Variants in FHIT observed in about 807,000 individuals in gnomAD.
FHIT encodes the protein fragile histidine triad diadenosine triphosphatase.
In FHIT, 19 loss-of-function variants were observed where a neutral mutation model predicts 17.9. The observed-to-expected ratio is 1.06, with a 90% CI of 0.74 to 1.56. The LOEUF is 1.56. Among genes scored for constraint, FHIT ranks in the 40% most tolerant of loss-of-function variants. The pLI, the probability that FHIT is intolerant of heterozygous loss-of-function variation, is 0.00. For synonymous variants in FHIT, 81 were observed against 69.7 expected (o/e 1.16, Z -0.81); for missense variants, 248 against 189.2 (o/e 1.31, Z -1.82).
chr3:59,752,074 G>A (rs962330275), intron 9 of FHIT, 147 bp downstream of exon 9: 13 of 557,890 alleles, frequency 2.3e-5, no homozygotes, highest in African/African-American at 3.9e-5. Flanking sequence ...CAAGGGCCAG[G>A]GTTTTCTCCC....
At chr3:59,922,493 GC>G in intron 7 of FHIT, 79 bp from the exon 8 acceptor site, 1 of 1,179,768 alleles carries the variant, frequency 8.5e-7, no homozygotes, top group Non-Finnish European at 1.2e-6. Flanking sequence ...CTCTCATGAA[GC>G]CCAATTACTC....
chr3:60,122,205 T>C (rs1026566027), intron 5 of FHIT, among the ~76,000 whole-genome samples: 1 of 152,086 alleles, frequency 6.6e-6, no homozygotes, highest in Non-Finnish European at 1.5e-5. Context: ...GAAAGAAGTG[T>C]TCAGCATTCT....
At chr3:60,375,597 G>C (rs1173701433) in intron 5 of FHIT, among the ~76,000 whole-genome samples, 3 of 151,956 alleles carry the variant, frequency 2.0e-5, no homozygotes, top group Admixed American at 6.6e-5. Context: ...TATATTGAAA[G>C]TATAAATACT....
At chr3:60,319,055 AC>A (rs1387674181) in intron 5 of FHIT, among the ~76,000 whole-genome samples, 3 of 152,020 alleles carry the variant, frequency 2.0e-5, no homozygotes, top group African/African-American at 7.2e-5. Flanking sequence ...CACTATGACT[AC>A]CCTGCACCCA....
chr3:59,807,367 G>A (rs927034505), intron 8 of FHIT, among the ~76,000 whole-genome samples: 1 of 152,116 alleles, frequency 6.6e-6, no homozygotes, highest in South Asian at 2.1e-4. Flanking sequence ...GCATAGCAGG[G>A]ATGCCAAACA....
chr3:60,260,448 G>A (rs1030239162), intron 5 of FHIT, among the ~76,000 whole-genome samples: 1 of 151,810 alleles, frequency 6.6e-6, no homozygotes, highest in African/African-American at 2.4e-5. Flanking sequence ...TTAAAACTTG[G>A]CGTATTCACT....
Position 60,550,289 on chromosome 3 carries a change from C to T in FHIT, c.-17-13310G>A, listed in dbSNP as rs146079694. Reference sequence around the variant, plus strand: ...TTTGTAAAACATTCTAATCTACAGGCGTATGTCAAAATTCCACAGGAGACA... The same window carrying T: ...TTTGTAAAACATTCTAATCTACAGGTGTATGTCAAAATTCCACAGGAGACA... On this transcript the variant is annotated intron_variant, in intron 4 of 9. Transcript: ENST00000492590. Among the ~76,000 whole-genome samples, 233 of 151,868 alleles carry T rather than the reference C, an allele frequency of 1.5e-3. 1 individual carries two copies. The highest frequency in any genetic ancestry group is 5.5e-3 in the African/African-American group (226 of 41,370).
At chr3:60,067,975 C>T (rs1702592553) in intron 5 of FHIT, among the ~76,000 whole-genome samples, 1 of 152,160 alleles carries the variant, frequency 6.6e-6, no homozygotes, top group African/African-American at 2.4e-5. Flanking sequence ...GTGGCTCACA[C>T]CTGTAATCCC....
At chr3:61,154,034 T>G (rs1311090201) in intron 2 of FHIT, among the ~76,000 whole-genome samples, 1 of 152,216 alleles carries the variant, frequency 6.6e-6, no homozygotes, top group African/African-American at 2.4e-5. Context: ...TGCTCCCAAC[T>G]TGAAGAAATT....
At chr3:60,470,729 G>A (rs1164892643) in intron 5 of FHIT, among the ~76,000 whole-genome samples, 1 of 151,906 alleles carries the variant, frequency 6.6e-6, no homozygotes, top group East Asian at 1.9e-4. Flanking sequence ...GTACCCAAGC[G>A]GCAAGATAAA....
chr3:60,947,309 C>T (rs1251891562), intron 3 of FHIT, among the ~76,000 whole-genome samples: 2 of 152,134 alleles, frequency 1.3e-5, no homozygotes, highest in Non-Finnish European at 2.9e-5. Context: ...ATATCACCAT[C>T]ATGTAAGAAT....
chr3:60,580,445 C>G (rs1292597849), intron 4 of FHIT, among the ~76,000 whole-genome samples: 5 of 152,088 alleles, frequency 3.3e-5, no homozygotes, highest in African/African-American at 1.2e-4. Context: ...TACTACTAGA[C>G]TTTGAGTTTT....
At chr3:60,278,012 G>C (rs965760018) in intron 5 of FHIT, among the ~76,000 whole-genome samples, 2 of 152,150 alleles carry the variant, frequency 1.3e-5, no homozygotes, top group African/African-American at 4.8e-5. Flanking sequence ...CAAATTTGGA[G>C]AAACATGTAA....
chr3:60,816,596 G>A (rs2205348), intron 4 of FHIT, among the ~76,000 whole-genome samples: 52,276 of 151,902 alleles, frequency 0.34, 10,843 homozygotes, highest in East Asian at 0.72. Context: ...ACTTGATCAT[G>A]GTAAATTAAC....
intron 1 of FHIT, among the ~76,000 whole-genome samples, chr3:61,216,577 T>A (rs2039682344): frequency 6.6e-6 from 1 of 152,138 alleles, no homozygotes; most frequent in Non-Finnish European, 1.5e-5. Context: ...ATTGTGGAAG[T>A]CAGTGTGGCG....
intron 8 of FHIT, among the ~76,000 whole-genome samples, chr3:59,779,277 ATTG>A (rs1178552452): frequency 6.6e-6 from 1 of 152,180 alleles, no homozygotes; most frequent in African/African-American, 2.4e-5. Flanking sequence ...AAACGTATAT[ATTG>A]TTAAGGGAAG....
intron 5 of FHIT, among the ~76,000 whole-genome samples, chr3:60,340,624 C>T (rs551412980): frequency 5.9e-5 from 9 of 152,204 alleles, no homozygotes; most frequent in Admixed American, 5.9e-4. Context: ...AGACGATGGG[C>T]TGCAGGATAA....
intron 4 of FHIT, among the ~76,000 whole-genome samples, chr3:60,545,424 T>A (rs1370981875): frequency 3.3e-5 from 5 of 152,210 alleles, no homozygotes; most frequent in African/African-American, 1.2e-4. Flanking sequence ...TGTTGCAGTT[T>A]TTCTAGTTAC....
At chr3:60,295,958 G>A (rs971929767) in intron 5 of FHIT, among the ~76,000 whole-genome samples, 4 of 151,976 alleles carry the variant, frequency 2.6e-5, no homozygotes, top group African/African-American at 9.7e-5. Context: ...TAAATCACGG[G>A]GGTAGTTTCC....
Sources: allele counts gnomAD v4.1 joint callset (sites outside exome capture counted in the v4.1 genomes callset), GRCh38; gene constraint gnomAD v4.1.1; transcripts MANE v1.5; gene names NCBI Gene and HGNC (gene_info 2026-07-23, HGNC 2026-07-21).